GLS2: variants seen among roughly 807,000 people sequenced by gnomAD.
GLS2 encodes the protein glutaminase liver isoform, mitochondrial.
A neutral mutation model predicts 79.0 loss-of-function variants in GLS2; 52 were observed. That is an observed-to-expected ratio of 0.66 (90% CI 0.53 to 0.83). The LOEUF (loss-of-function observed/expected upper bound fraction) is 0.83. GLS2 is among the 40% of genes least tolerant of loss of function. The pLI is 0.00. For missense variants in GLS2, 561 were observed against 764.8 expected (o/e 0.73, Z 3.14); for synonymous variants, 238 against 280.8 (o/e 0.85, Z 1.52).
intron 1 of GLS2, among the ~76,000 whole-genome samples, chr12:56,483,231 C>T (rs1023570853): frequency 2.0e-5 from 3 of 151,744 alleles, no homozygotes; most frequent in Non-Finnish European, 4.4e-5. Context: ...CAGGCACGTG[C>T]CACCACGCCC....
chr12:56,474,240 C>T lies in GLS2; in HGVS notation c.1224+304G>A, dbSNP rs142152651. On this transcript the variant is annotated intron_variant, in intron 12 of 17. Coordinates refer to ENST00000311966, the MANE Select transcript of GLS2 (RefSeq NM_013267.4). ...AAGTAGCTGGGATTACAGGTGCACA[C>T]CACCACCCCCGGCTAATTTTTTGTA... is the stretch of plus-strand genomic sequence containing the variant. The T allele has an allele frequency of 1.9e-5, 7 of 364,098 alleles. 1 individual carries two copies. Among genetic ancestry groups the T allele is most frequent in the Middle Eastern group, 1.8e-3 (2 of 1,084 alleles). The allele number at this position is 364,098 out of a possible 1,614,324, so 22.6% of individuals were successfully genotyped here. A position where few individuals can be genotyped will look rare whatever the true frequency, so the allele number is the denominator to read the frequency against.
chr12:56,473,342 ATTGT>A (rs1869485045), intron 13 of GLS2, 22 bp from the exon 14 acceptor site: 1 of 1,613,430 alleles, frequency 6.2e-7, no homozygotes, highest in African/African-American at 1.3e-5. Flanking sequence ...AGCCAAATAT[ATTGT>A]TTATTTACTC....
At chr12:56,476,080 G>T in intron 7 of GLS2, 103 bp from the exon 8 acceptor site, 2 of 1,103,510 alleles carry the variant, frequency 1.8e-6, no homozygotes, top group Non-Finnish European at 2.7e-6. Context: ...TGGTCCTGCT[G>T]CTGCAAATGT....
chr12:56,486,820 A>G lies in GLS2; in HGVS notation c.182+1117T>C, dbSNP rs192143486. Among the ~76,000 whole-genome samples, 565 of 152,372 alleles carry G rather than the reference A, an allele frequency of 3.7e-3. 20 individuals are homozygous for G. The highest frequency in any genetic ancestry group is 0.034 in the Admixed American group (517 of 15,306). On this transcript the variant is annotated intron_variant, in intron 1 of 17. Transcript: ENST00000311966. ...GATTGCAGTGAGTCGAGATGGTGCC[A>G]CTGCACTCCAGCCTGTGTGACAGAG...
At chr12:56,484,315 A>G (rs1299571404) in intron 1 of GLS2, among the ~76,000 whole-genome samples, 2 of 152,198 alleles carry the variant, frequency 1.3e-5, no homozygotes, top group Non-Finnish European at 2.9e-5. Flanking sequence ...ATCTCCTTCT[A>G]CAGAGATGAC....
chr12:56,478,124 G>T (rs1271287756), intron 5 of GLS2, 28 bp from the exon 6 acceptor site: 1 of 1,614,116 alleles, frequency 6.2e-7, no homozygotes, highest in African/African-American at 1.3e-5. Flanking sequence ...CCATGAAAGG[G>T]GTTGGCCTGT....
chr12:56,487,924 C>G lies in GLS2; in HGVS notation c.182+13G>C. ...GGGCAAGCCCGTCCCCTGCCCTGTC[C>G]CAGGAGCCTTACTGATCCTGGTGCT... On this transcript the variant is annotated intron_variant, in intron 1 of 17. Coordinates refer to ENST00000311966, the MANE Select transcript of GLS2 (RefSeq NM_013267.4). 4.4e-6 allele frequency: 7 copies of G among 1,600,794 alleles called. No homozygotes were observed. The highest frequency in any genetic ancestry group is 5.9e-6 in the Non-Finnish European group (7 of 1,179,262).
chr12:56,474,504 C>T (rs374489692), intron 12 of GLS2, 40 bp downstream of exon 12: 2 of 1,610,102 alleles, frequency 1.2e-6, no homozygotes, highest in South Asian at 1.1e-5. Flanking sequence ...CTTCTTAGCA[C>T]TGGGCTCATG....
Position 56,472,185 on chromosome 12 carries a change from A to C in GLS2, c.1522T>G (p.Ser508Ala). 1.2e-6 allele frequency: 2 copies of C among 1,614,192 alleles called. No individual in the cohort carries two copies. The highest frequency in any genetic ancestry group is 1.7e-6 in the Non-Finnish European group (2 of 1,180,024). Reference sequence around the variant, plus strand: ...TCTTTCTGTTCCATATCCATGGCTGACAAGGCAAACCTGAGGGTAGTGGGA... The same window carrying C: ...TCTTTCTGTTCCATATCCATGGCTGCCAAGGCAAACCTGAGGGTAGTGGGA... Reference protein sequence around the residue: ...DVSALRRFALSAMDMEQKDYD... With the variant: ...DVSALRRFALAAMDMEQKDYD... The change falls in exon 16 of 18, where the codon TCA (serine) becomes GCA (alanine). Residue 508 changes from serine to alanine, a missense_variant. Ser to Ala is a moderately conservative substitution (Grantham distance 99). Coordinates refer to ENST00000311966, the MANE Select transcript of GLS2 (RefSeq NM_013267.4).
chr12:56,475,799 C>G (rs1055733137), intron 8 of GLS2, 117 bp from the exon 9 acceptor site: 9 of 1,381,612 alleles, frequency 6.5e-6, no homozygotes, highest in Non-Finnish European at 9.2e-6. Context: ...CTCTCTGAGG[C>G]CAGCAGATTT....
At chr12:56,484,773 G>A (rs1356309456) in intron 1 of GLS2, among the ~76,000 whole-genome samples, 2 of 152,144 alleles carry the variant, frequency 1.3e-5, no homozygotes, top group African/African-American at 4.8e-5. Flanking sequence ...AACAAGCAAC[G>A]TACAACAGCA....
intron 7 of GLS2, 82 bp downstream of exon 7, chr12:56,477,577 TG>T: frequency 7.1e-7 from 1 of 1,406,830 alleles, no homozygotes; most frequent in Non-Finnish European, 9.8e-7. Context: ...CCAGTCTCCC[TG>T]GAGAGCTGAA....
chr12:56,471,396 T>C lies in GLS2; in HGVS notation c.*91A>G. The C allele has an allele frequency of 2.9e-6, 4 of 1,373,294 alleles. No homozygotes were observed. The highest frequency in any genetic ancestry group is 3.9e-6 in the Non-Finnish European group (4 of 1,015,166). The allele number at this position is 1,373,294 out of a possible 1,614,324, so 85.1% of individuals were successfully genotyped here. ...GACTGCTTGGTCCCCACTGAAGCAG[T>C]GTAGCTCTCCATAGTATTTTTGGTG... On this transcript the variant is annotated 3_prime_UTR_variant, in exon 18 of 18. Transcript: ENST00000311966.
chr12:56,484,565 A>G (rs996285750), intron 1 of GLS2, among the ~76,000 whole-genome samples: 1 of 152,100 alleles, frequency 6.6e-6, no homozygotes, highest in Admixed American at 6.6e-5. Flanking sequence ...GCTAATGCCT[A>G]TAGGGGGGAG....
chr12:56,487,926 A>G lies in GLS2; in HGVS notation c.182+11T>C, dbSNP rs372878799. 86 of 1,601,050 alleles carry G rather than the reference A, an allele frequency of 5.4e-5. No homozygotes were observed. The highest frequency in any genetic ancestry group is 7.0e-5 in the Non-Finnish European group (83 of 1,179,360). On this transcript the variant is annotated intron_variant, in intron 1 of 17. Transcript: ENST00000311966. ...GCAAGCCCGTCCCCTGCCCTGTCCCAGGAGCCTTACTGATCCTGGTGCTGC... is the reference window on the plus strand; with the variant it reads ...GCAAGCCCGTCCCCTGCCCTGTCCCGGGAGCCTTACTGATCCTGGTGCTGC...
rs752752090 is a variant in GLS2, at chr12:56,474,672, T to C, written c.1096A>G (p.Thr366Ala). ...TCESGSVMAA[T>A]LANGGICPIT... ...GGGCAGATCCCACCGTTGGCGAGGG[T>C]GGCTGCCATGACACTGCCTGATTCA... The change falls in exon 12 of 18, where the codon ACC (threonine) becomes GCC (alanine). Residue 366 changes from threonine (T) to alanine (A), a missense_variant. By Grantham distance (58) the Thr-to-Ala change is moderately conservative. Transcript: ENST00000311966. 1.2e-5 allele frequency: 20 copies of C among 1,613,328 alleles called. No individual in the cohort carries two copies. Among genetic ancestry groups the C allele is most frequent in the Non-Finnish European group, 1.7e-5 (20 of 1,179,440 alleles).
At position 56,473,242 on chromosome 12, in the gene GLS2, C is replaced by T. The variant is rs755576770; in HGVS notation, c.1435G>A (p.Gly479Arg). ...CARKLDPRRE[G>R]AEIRNKTVVN... ...GTTTTCCTTACCCGAATTTCTGCCC[C>T]TTCACGCCGTGGGTCTAACTTCCGA... Residue 479 changes from glycine (G) to arginine (R), a missense_variant, in exon 14 of 18, where the codon GGG becomes AGG. By Grantham distance (125) the Gly-to-Arg change is moderately radical. Coordinates refer to ENST00000311966, the MANE Select transcript of GLS2 (RefSeq NM_013267.4). The T allele has an allele frequency of 1.1e-5, 17 of 1,614,000 alleles. No homozygotes were observed. The highest frequency in any genetic ancestry group is 5.0e-5 in the Admixed American group (3 of 59,974).
At chr12:56,479,225 G>C in intron 3 of GLS2, 44 bp from the exon 4 acceptor site, 4 of 1,604,814 alleles carry the variant, frequency 2.5e-6, no homozygotes, top group Non-Finnish European at 2.5e-6. Flanking sequence ...GAGAAATGCA[G>C]CTGGGACTCA....
Position 56,474,637 on chromosome 12 carries a change from G to T in GLS2, c.1131C>A (p.Gly377=), listed in dbSNP as rs769254328. 1 of 1,614,012 alleles carries T rather than the reference G, an allele frequency of 6.2e-7. No homozygotes were observed. The highest frequency in any genetic ancestry group is 8.5e-7 in the Non-Finnish European group (1 of 1,180,018). Residue 377 remains glycine, a synonymous_variant, in exon 12 of 18, where the codon GGC becomes GGA. Coordinates refer to ENST00000311966, the MANE Select transcript of GLS2 (RefSeq NM_013267.4). ...CTGCTTCAGCACTCAGCACACTCTC[G>T]CCTGTGATGGGGCAGATCCCACCGT... ...LANGGICPIT[G]ESVLSAEAVR...
Sources: gnomAD v4.1 joint callset for allele counts (sites outside exome capture counted in the v4.1 genomes callset) on GRCh38, gnomAD v4.1.1 for gene constraint, MANE v1.5 for transcripts, NCBI Gene and HGNC (gene_info 2026-07-23, HGNC 2026-07-21) for gene names.